DNER: variants seen among roughly 807,000 people sequenced by gnomAD.
DNER encodes delta/notch like EGF repeat containing.
Under a neutral mutation model 78.2 loss-of-function variants are expected in DNER, and 33 were observed. That is an observed-to-expected ratio of 0.42 (90% CI 0.32 to 0.56). The LOEUF (loss-of-function observed/expected upper bound fraction) is 0.56. Among genes scored for constraint, DNER ranks in the 20% least tolerant of loss-of-function variants. The pLI, the probability that DNER is intolerant of heterozygous loss-of-function variation, is 0.11. For missense variants in DNER, 918 were observed against 975.3 expected (o/e 0.94, Z 0.78); for synonymous variants, 417 against 384.8 (o/e 1.08, Z -0.98).
intron 8 of DNER, among the ~76,000 whole-genome samples, chr2:229,434,896 T>C (rs1411494299): frequency 7.0e-6 from 1 of 142,062 alleles, no homozygotes; most frequent in Non-Finnish European, 1.5e-5. Context: ...TGCTTACATA[T>C]ATAGAGACAA....
chr2:229,531,309 C>T (rs1047844345), intron 5 of DNER, among the ~76,000 whole-genome samples: 1 of 152,144 alleles, frequency 6.6e-6, no homozygotes, highest in Admixed American at 6.5e-5. Context: ...CCCAGATCTG[C>T]TTCATGCACA....
intron 4 of DNER, among the ~76,000 whole-genome samples, chr2:229,582,930 C>T (rs1168686432): frequency 3.9e-5 from 6 of 152,118 alleles, no homozygotes; most frequent in South Asian, 2.1e-4. Flanking sequence ...CGAGCCACCG[C>T]GCCTGACCTA....
At chr2:229,624,053 C>G (rs1235934455) in intron 1 of DNER, among the ~76,000 whole-genome samples, 1 of 152,172 alleles carries the variant, frequency 6.6e-6, no homozygotes, top group African/African-American at 2.4e-5. Context: ...CCCAGCCACC[C>G]CAGCTGCTTC....
intron 4 of DNER, among the ~76,000 whole-genome samples, chr2:229,571,416 A>C: frequency 6.7e-6 from 1 of 150,130 alleles, no homozygotes; most frequent in African/African-American, 2.5e-5. Context: ...CCTCTCCCTT[A>C]CTCCTCTTTG....
chr2:229,659,422 T>C (rs970836755), intron 1 of DNER, among the ~76,000 whole-genome samples: 2 of 152,154 alleles, frequency 1.3e-5, no homozygotes, highest in African/African-American at 4.8e-5. Flanking sequence ...GACAAAACCA[T>C]TTGACCTAAT....
chr2:229,477,328 G>T (rs1695058225), intron 6 of DNER, 75 bp from the exon 7 acceptor site: 5 of 1,042,556 alleles, frequency 4.8e-6, no homozygotes, highest in Non-Finnish European at 7.1e-6. Flanking sequence ...GGAATTGATG[G>T]ATTCAACTGG....
chr2:229,379,778 C>T (rs1240107338), intron 11 of DNER, among the ~76,000 whole-genome samples: 3 of 152,160 alleles, frequency 2.0e-5, no homozygotes, highest in African/African-American at 7.2e-5. Flanking sequence ...GGATAAGAAC[C>T]AAGGTCCTGC....
intron 4 of DNER, among the ~76,000 whole-genome samples, chr2:229,573,120 C>T (rs1489834795): frequency 3.3e-5 from 5 of 152,094 alleles, no homozygotes; most frequent in Non-Finnish European, 2.9e-5. Flanking sequence ...CTGTTATTAG[C>T]GATGCAGCCA....
At chr2:229,528,305 T>C (rs1162786429) in intron 5 of DNER, among the ~76,000 whole-genome samples, 2 of 152,216 alleles carry the variant, frequency 1.3e-5, no homozygotes, top group Non-Finnish European at 2.9e-5. Flanking sequence ...AGGCAACTGA[T>C]GGCTTCTTTT....
intron 3 of DNER, 120 bp from the exon 4 acceptor site, chr2:229,586,144 T>A: frequency 4.1e-6 from 5 of 1,206,054 alleles, no homozygotes; most frequent in South Asian, 1.7e-5. Flanking sequence ...TACCAGGAGA[T>A]CGATGGCATA....
chr2:229,443,666 C>T (rs1451201628), intron 8 of DNER, among the ~76,000 whole-genome samples: 4 of 152,218 alleles, frequency 2.6e-5, no homozygotes, highest in Non-Finnish European at 4.4e-5. Flanking sequence ...ATCAACCTGA[C>T]ATGACTTCAA....
chr2:229,490,344 G>A (rs1426528170), intron 6 of DNER, among the ~76,000 whole-genome samples: 3 of 152,186 alleles, frequency 2.0e-5, no homozygotes, highest in African/African-American at 7.2e-5. Context: ...GTGTCTGTCA[G>A]CGCATAAAGG....
intron 6 of DNER, among the ~76,000 whole-genome samples, chr2:229,488,501 C>T (rs957954486): frequency 2.6e-5 from 4 of 152,140 alleles, no homozygotes; most frequent in African/African-American, 7.2e-5. Flanking sequence ...TGTGTTCTTG[C>T]GTGTGTGTTT....
At chr2:229,686,037 G>A (rs558176039) in intron 1 of DNER, among the ~76,000 whole-genome samples, 2 of 152,294 alleles carry the variant, frequency 1.3e-5, no homozygotes, top group Admixed American at 1.3e-4. Flanking sequence ...GAGCCCATAT[G>A]TTTGTGCTGG....
intron 1 of DNER, among the ~76,000 whole-genome samples, chr2:229,674,836 T>C (rs1699275262): frequency 6.6e-6 from 1 of 152,220 alleles, no homozygotes; most frequent in Non-Finnish European, 1.5e-5. Flanking sequence ...AAGGAGAGCC[T>C]GTTTCCAATG....
At chr2:229,597,004 TACATGCACACAC>T (rs1443715451) in intron 1 of DNER, among the ~76,000 whole-genome samples, 7 of 146,246 alleles carry the variant, frequency 4.8e-5, no homozygotes, top group Non-Finnish European at 1.1e-4. Context: ...CGCACACATA[TACATGCACACAC>T]ACATGCACAC....
chr2:229,634,774 C>T (rs1409146406), intron 1 of DNER, among the ~76,000 whole-genome samples: 2 of 152,172 alleles, frequency 1.3e-5, no homozygotes, highest in African/African-American at 4.8e-5. Context: ...CAACCTGGCT[C>T]AGCATCCTCT....
At chr2:229,706,396 CAA>C (rs35958661) in intron 1 of DNER, among the ~76,000 whole-genome samples, 20 of 119,854 alleles carry the variant, frequency 1.7e-4, no homozygotes, top group African/African-American at 5.5e-4. Flanking sequence ...AGTAAAAATA[CAA>C]AAAAAAAAAA....
rs575156408 is a variant in DNER at position 229,614,041 on chromosome 2, C to G, written c.277-22153G>C. On this transcript the variant is annotated intron_variant, in intron 1 of 12. Transcript: ENST00000341772. ...GGGCCTGTTGTGGGGTGGGGGGGAG[C>G]GGGGAGGGATAGCATTAGGAGATAT... Among the ~76,000 whole-genome samples, 1,037 of 107,690 alleles carry G rather than the reference C, an allele frequency of 9.6e-3. 4 individuals are homozygous for G. Among genetic ancestry groups the G allele is most frequent in the Admixed American group, 0.018 (166 of 9,466 alleles). 70.6% of individuals were successfully genotyped at this position (107,690 alleles called of 152,430 possible).
Sources: allele counts gnomAD v4.1 joint callset (sites outside exome capture counted in the v4.1 genomes callset), GRCh38; gene constraint gnomAD v4.1.1; transcripts MANE v1.5; gene names NCBI Gene and HGNC (gene_info 2026-07-23, HGNC 2026-07-21).